LARP4B: variants seen among roughly 807,000 people sequenced by gnomAD.
LARP4B encodes the protein la-related protein 4B.
Under a neutral mutation model 89.8 loss-of-function variants are expected in LARP4B, and 12 were observed. That is an observed-to-expected ratio of 0.13 (90% confidence interval 0.09 to 0.22). LARP4B has a LOEUF of 0.22. Among genes scored for constraint, LARP4B ranks in the 10% least tolerant of loss-of-function variants. The pLI, the probability that LARP4B is intolerant of heterozygous loss-of-function variation, is 1.00. For synonymous variants in LARP4B, 367 were observed against 363.3 expected (o/e 1.01, Z -0.12); for missense variants, 757 against 947.7 (o/e 0.80, Z 2.64).
intron 1 of LARP4B, among the ~76,000 whole-genome samples, chr10:907,495 C>A (rs1836525537): frequency 6.6e-6 from 1 of 152,106 alleles, no homozygotes; most frequent in Non-Finnish European, 1.5e-5. Context: ...CACCTGGGAT[C>A]TAAACATACA....
At chr10:944,656 C>T in the LARP4B span, among the ~76,000 whole-genome samples, 24 of 152,252 alleles carry the variant, frequency 1.6e-4, no homozygotes, top group South Asian at 6.2e-4. Context: ...CAGCCCCACG[C>T]GTGTCTGGGC....
At chr10:893,573 G>A (rs1202619699) in intron 1 of LARP4B, among the ~76,000 whole-genome samples, 1 of 152,138 alleles carries the variant, frequency 6.6e-6, no homozygotes, top group Non-Finnish European at 1.5e-5. Flanking sequence ...GCTGTACTTA[G>A]CTGTCCTTCC....
the LARP4B span, among the ~76,000 whole-genome samples, chr10:956,502 C>T: frequency 3.2e-4 from 49 of 152,140 alleles, 1 homozygote; most frequent in South Asian, 9.6e-3. The surrounding 1 kb of genome is among the most constrained non-coding windows in gnomAD (Gnocchi z 4.3). Context: ...CCCGCCACCA[C>T]GCCCAGCTAA....
the LARP4B span, among the ~76,000 whole-genome samples, chr10:965,069 C>T: frequency 1.3e-5 from 2 of 152,222 alleles, no homozygotes; most frequent in Non-Finnish European, 2.9e-5. Context: ...CAGGGTCAGG[C>T]CGGGAGTGGA....
chr10:923,059 G>A (rs992534778), intron 1 of LARP4B, among the ~76,000 whole-genome samples: 11 of 151,540 alleles, frequency 7.3e-5, no homozygotes, highest in Non-Finnish European at 1.3e-4. Context: ...TGGGAAACAG[G>A]TGAGACTCCA....
intron 1 of LARP4B, among the ~76,000 whole-genome samples, chr10:927,910 A>C (rs1020707725): frequency 6.6e-6 from 1 of 152,224 alleles, no homozygotes; most frequent in Non-Finnish European, 1.5e-5. Flanking sequence ...ATAAAAGCAT[A>C]TTTAAAACTT....
At chr10:981,557 T>G in the LARP4B span, among the ~76,000 whole-genome samples, 1 of 152,256 alleles carries the variant, frequency 6.6e-6, no homozygotes, top group East Asian at 1.9e-4. Flanking sequence ...TTTAGGTACT[T>G]TGTACTTTTT....
Position 875,564 on chromosome 10 carries a change from C to A in LARP4B, c.141+8883G>T, listed in dbSNP as rs11812900. Among the ~76,000 whole-genome samples, 230 of 152,338 alleles carry A rather than the reference C, an allele frequency of 1.5e-3. 2 individuals are homozygous for A. The highest frequency in any genetic ancestry group is 5.3e-3 in the African/African-American group (220 of 41,578). ...ATTCTGTGCTGCTCTAACAGAATAC[C>A]TGAGATGGGGCAATTTATAAAGAAC... is the stretch of plus-strand genomic sequence containing the variant. On this transcript the variant is annotated intron_variant, in intron 3 of 17. Coordinates refer to ENST00000316157, the MANE Select transcript of LARP4B (RefSeq NM_015155.3).
intron 1 of LARP4B, among the ~76,000 whole-genome samples, chr10:893,431 G>T: frequency 6.6e-6 from 1 of 152,132 alleles, no homozygotes. Flanking sequence ...AAGAAGCTAA[G>T]TAAACTCCAC....
chr10:929,154 C>T (rs1837231803), intron 1 of LARP4B, among the ~76,000 whole-genome samples: 1 of 152,128 alleles, frequency 6.6e-6, no homozygotes. Context: ...AGTGGAACTG[C>T]TTTCTCCAAA....
chr10:985,928 A>G, the LARP4B span: 3 of 152,234 alleles, frequency 2.0e-5, no homozygotes, highest in Non-Finnish European at 4.4e-5. Flanking sequence ...TTTGGAAACA[A>G]GATGTACACA....
At chr10:867,862 G>GAAAAA (rs903762145) in intron 3 of LARP4B, among the ~76,000 whole-genome samples, 3 of 43,386 alleles carry the variant, frequency 6.9e-5, no homozygotes, top group African/African-American at 2.7e-4. Flanking sequence ...CTCCATCCTT[G>GAAAAA]AAAAAAAAAA....
Position 809,802 on chromosome 10 carries a change from TACAGCTCGCCAGCGGGGCAC to T in LARP4B, c.*3104_*3123del, listed in dbSNP as rs1831678678. On this transcript the variant is annotated 3_prime_UTR_variant, in exon 18 of 18. Transcript: ENST00000316157. ...GGCCGCGAGGCACGCAAGCCGCAACTACAGCTCGCCAGCGGGGCACACAGACAGGCATGCACCACCACTAC... is the reference window on the plus strand; with the variant it reads ...GGCCGCGAGGCACGCAAGCCGCAACTACAGACAGGCATGCACCACCACTAC... The T allele has an allele frequency of 6.5e-6, 1 of 152,740 alleles. No individual in the cohort carries two copies. 9.5% of individuals were successfully genotyped at this position (152,740 alleles called of 1,614,324 possible). A position where few individuals can be genotyped will look rare whatever the true frequency, so the allele number is the denominator to read the frequency against.
At chr10:833,172 T>C (rs1003378570) in intron 8 of LARP4B, among the ~76,000 whole-genome samples, 9 of 139,528 alleles carry the variant, frequency 6.5e-5, no homozygotes, top group Non-Finnish European at 1.1e-4. Context: ...TTGGCTTCCC[T>C]GGGACACAAT....
intron 5 of LARP4B, 142 bp downstream of exon 5, chr10:863,601 T>C (rs933359542): frequency 4.5e-6 from 4 of 896,158 alleles, no homozygotes; most frequent in Non-Finnish European, 6.5e-6. Flanking sequence ...CTTCTCTGCA[T>C]CCACATAAGG....
intron 1 of LARP4B, among the ~76,000 whole-genome samples, chr10:900,420 CTTTT>C (rs529963345): frequency 1.3e-4 from 6 of 45,242 alleles, no homozygotes; most frequent in African/African-American, 2.6e-4. Flanking sequence ...AGAAGGATGT[CTTTT>C]TTTTTTTTTT....
chr10:881,180 T>C (rs1835653089), intron 3 of LARP4B, among the ~76,000 whole-genome samples: 1 of 152,174 alleles, frequency 6.6e-6, no homozygotes, highest in Non-Finnish European at 1.5e-5. Flanking sequence ...TCAGATATTT[T>C]TTCTTCCTCA....
At chr10:905,524 T>C (rs1409071384) in intron 1 of LARP4B, among the ~76,000 whole-genome samples, 2 of 152,192 alleles carry the variant, frequency 1.3e-5, no homozygotes, top group Admixed American at 6.6e-5. Context: ...CTATCTTCAT[T>C]AGTCCCTCCA....
At chr10:863,677 T>A in intron 5 of LARP4B, 66 bp downstream of exon 5, 1 of 1,482,360 alleles carries the variant, frequency 6.7e-7, no homozygotes. Flanking sequence ...GTTAATACTC[T>A]AAATAAAAAA....
Sources: allele counts gnomAD v4.1 joint callset (sites outside exome capture counted in the v4.1 genomes callset), GRCh38; gene constraint gnomAD v4.1.1; non-coding constraint Gnocchi (gnomAD v3.1); transcripts MANE v1.5; gene names NCBI Gene and HGNC (gene_info 2026-07-23, HGNC 2026-07-21).